The following PCLO variants were observed in gnomAD, a reference collection of about 807,000 sequenced individuals.
The protein encoded by PCLO is piccolo presynaptic cytomatrix protein.
PCLO carries 82 observed loss-of-function variants against 427.5 expected under a neutral mutation model. The observed-to-expected ratio is 0.19, with a 90% CI of 0.16 to 0.23. The LOEUF (loss-of-function observed/expected upper bound fraction) is 0.23, where lower values mean the gene tolerates loss of function less well. PCLO is among the 10% of genes least tolerant of loss of function. The pLI, the probability that PCLO is intolerant of heterozygous loss-of-function variation, is 1.00. For missense variants in PCLO, 6,239 were observed against 6,115.9 expected (o/e 1.02, Z -0.67); for synonymous variants, 2,357 against 2,155.4 (o/e 1.09, Z -2.59).
intron 3 of PCLO, among the ~76,000 whole-genome samples, chr7:83,130,503 C>T (rs1381091047): frequency 2.0e-5 from 3 of 152,180 alleles, no homozygotes; most frequent in African/African-American, 7.2e-5. Flanking sequence ...TCTTTTGAAA[C>T]TAATTAATGG....
In PCLO at chr7:82,761,460, G is replaced by C. The variant is rs1280840670; in HGVS notation, c.15041C>G (p.Ala5014Gly). 6.3e-7 allele frequency: 1 copy of C among 1,597,504 alleles called. No individual in the cohort carries two copies. Among genetic ancestry groups the C allele is most frequent in the East Asian group, 2.2e-5 (1 of 44,584 alleles). The change falls in exon 23 of 25, where the codon GCA (alanine) becomes GGA (glycine). Residue 5014 changes from alanine (A) to glycine (G), a missense_variant. By Grantham distance (60) the Ala-to-Gly change is moderately conservative. Transcript: ENST00000333891. ...KTQVMGEIKI[A>G]LKKEMKTDGE... ...ATCTGTCTTCATTTCCTTCTTCAAT[G>C]CAATCTTGATTTCTCCCATTACCTG...
At chr7:82,870,036 C>T (rs530096951) in intron 10 of PCLO, among the ~76,000 whole-genome samples, 2 of 151,994 alleles carry the variant, frequency 1.3e-5, no homozygotes, top group South Asian at 4.2e-4. Flanking sequence ...AGATTCAATG[C>T]AATCTCTATC....
intron 6 of PCLO, among the ~76,000 whole-genome samples, chr7:82,949,119 A>T (rs1426706349): frequency 1.3e-5 from 2 of 152,214 alleles, no homozygotes; most frequent in East Asian, 3.8e-4. Flanking sequence ...TACTGAAATC[A>T]CAGCTACAGT....
At chr7:83,006,025 C>T (rs1000860473) in intron 3 of PCLO, among the ~76,000 whole-genome samples, 1 of 151,480 alleles carries the variant, frequency 6.6e-6, no homozygotes, top group Admixed American at 6.6e-5. Context: ...CTCTATTTGC[C>T]TTGGCAAACA....
chr7:83,075,351 G>C (rs1789924884), intron 3 of PCLO, among the ~76,000 whole-genome samples: 2 of 152,118 alleles, frequency 1.3e-5, no homozygotes, highest in African/African-American at 4.8e-5. Flanking sequence ...CATTTCTGAG[G>C]ACCTCAGTGA....
At position 83,155,481 on chromosome 7, in the gene PCLO, C is replaced by G. The variant is rs773108219; in HGVS notation, c.1160G>C (p.Gly387Ala). The G allele has an allele frequency of 1.2e-6, 2 of 1,612,754 alleles. No individual in the cohort carries two copies. Among genetic ancestry groups the G allele is most frequent in the Non-Finnish European group, 1.7e-6 (2 of 1,179,386 alleles). Residue 387 changes from glycine (G) to alanine (A), a missense_variant, in exon 2 of 25, where the codon GGG becomes GCG. Around this residue, in one of 5 missense-constraint regions of PCLO, gnomAD observed 4,677 missense variants for 4,468.4 expected, o/e 1.05. Transcript: ENST00000333891. The part of the protein sequence containing the change: ...GSEKPSSEQP[G>A]PKALAQPPGV... The stretch of plus-strand genomic sequence containing the variant: ...AGGAGGCTGAGCTAAAGCCTTTGGC[C>G]CAGGCTGCTCCGATGAAGGCTTCTC...
At chr7:82,889,903 G>A (rs1793717017) in intron 9 of PCLO, among the ~76,000 whole-genome samples, 1 of 151,948 alleles carries the variant, frequency 6.6e-6, no homozygotes, top group Non-Finnish European at 1.5e-5. Flanking sequence ...AACTTTTAGT[G>A]TGTGTGCACA....
intron 10 of PCLO, among the ~76,000 whole-genome samples, chr7:82,860,849 C>A (rs1052725030): frequency 6.6e-6 from 1 of 151,902 alleles, no homozygotes; most frequent in African/African-American, 2.4e-5. Flanking sequence ...TATTAGTTTT[C>A]TTTTTGCTTG....
In PCLO at chr7:82,898,116, T is replaced by G. The variant is rs1793950977; in HGVS notation, c.13528+4535A>C. Among the ~76,000 whole-genome samples, 9 of 151,690 alleles carry G rather than the reference T, an allele frequency of 5.9e-5. 1 individual carries two copies. The South Asian group carries it at 1.9e-3, about 31-fold the overall frequency. On this transcript the variant is annotated intron_variant, in intron 9 of 24. Transcript: ENST00000333891. ...TTTGTAAATCGGCTTAATTTGGACT[T>G]AATAGAAGGCAGCTGAATTTTCACA...
rs1790285727 is a variant in PCLO, at chr7:82,754,963, ATAAT to A, written c.*3608_*3611del. Reference sequence around the variant, plus strand: ...AAAAATATTGTTAGTTATGATTTAAATAATAAAGTAAAAAAATACTATAAACATC... The same window carrying A: ...AAAAATATTGTTAGTTATGATTTAAAAAAGTAAAAAAATACTATAAACATC... On this transcript the variant is annotated 3_prime_UTR_variant, in exon 25 of 25. Transcript: ENST00000333891. 6.6e-6 allele frequency: 1 copy of A among 152,166 alleles called. No homozygotes were observed. The highest frequency in any genetic ancestry group is 1.5e-5 in the Non-Finnish European group (1 of 67,994). 9.4% of individuals were successfully genotyped at this position (152,166 alleles called of 1,614,324 possible).
chr7:82,836,324 C>T (rs1347469600), intron 15 of PCLO, among the ~76,000 whole-genome samples: 15 of 152,038 alleles, frequency 9.9e-5, no homozygotes, highest in East Asian at 1.9e-4. Flanking sequence ...GTGATTTCCC[C>T]TTGTATCATA....
intron 8 of PCLO, among the ~76,000 whole-genome samples, chr7:82,905,543 G>C (rs1470182873): frequency 6.6e-6 from 1 of 151,934 alleles, no homozygotes; most frequent in African/African-American, 2.4e-5. Context: ...CATAATACAT[G>C]GGGCACCACT....
intron 3 of PCLO, among the ~76,000 whole-genome samples, chr7:83,001,512 A>ACACT (rs1787823670): frequency 6.6e-6 from 1 of 151,596 alleles, no homozygotes; most frequent in Admixed American, 6.6e-5. Flanking sequence ...ACAAACACAC[A>ACACT]CACACACACA....
At chr7:82,944,361 T>C (rs73385979) in intron 6 of PCLO, among the ~76,000 whole-genome samples, 8,277 of 152,000 alleles carry the variant, frequency 0.054, 750 homozygotes, top group African/African-American at 0.19. Flanking sequence ...GCACCTATTA[T>C]GAGTCAGGTA....
At chr7:83,031,346 G>A (rs1048786853) in intron 3 of PCLO, among the ~76,000 whole-genome samples, 1 of 152,114 alleles carries the variant, frequency 6.6e-6, no homozygotes, top group Non-Finnish European at 1.5e-5. Context: ...GCATGGAAAT[G>A]TATGTTTTAC....
intron 6 of PCLO, among the ~76,000 whole-genome samples, chr7:82,934,509 A>T (rs1327210337): frequency 1.3e-5 from 2 of 151,844 alleles, no homozygotes; most frequent in African/African-American, 4.8e-5. Context: ...TTATCTTAAG[A>T]TGAAAACATA....
chr7:82,899,358 T>C (rs1188290352), intron 9 of PCLO, among the ~76,000 whole-genome samples: 2 of 151,510 alleles, frequency 1.3e-5, no homozygotes, highest in Non-Finnish European at 3.0e-5. Context: ...TCTCTGGCAC[T>C]GGTTTAAAAC....
At chr7:83,074,366 G>C (rs1562951108) in intron 3 of PCLO, among the ~76,000 whole-genome samples, 3 of 151,938 alleles carry the variant, frequency 2.0e-5, no homozygotes, top group African/African-American at 7.2e-5. Context: ...AGAATTATTT[G>C]TACTAAGGAA....
intron 4 of PCLO, among the ~76,000 whole-genome samples, chr7:82,964,832 C>CATCAG (rs2115648879): frequency 6.6e-6 from 1 of 152,220 alleles, no homozygotes; most frequent in African/African-American, 2.4e-5. Context: ...ATGTGTGATG[C>CATCAG]ATCAGATAGC....
Sources: gnomAD v4.1 joint callset for allele counts (sites outside exome capture counted in the v4.1 genomes callset) on GRCh38, gnomAD v4.1.1 for gene constraint, gnomAD v4.1.1 regional missense constraint, MANE v1.5 for transcripts, NCBI Gene and HGNC (gene_info 2026-07-23, HGNC 2026-07-21) for gene names.